Variants in CAMKMT observed in about 807,000 individuals in gnomAD.
CAMKMT encodes the protein CaM KMT.
Under a neutral mutation model 48.0 loss-of-function variants are expected in CAMKMT, and 53 were observed. The observed-to-expected ratio is 1.10, with a 90% confidence interval of 0.89 to 1.39. The LOEUF (loss-of-function observed/expected upper bound fraction) is 1.39. Among genes scored for constraint, CAMKMT ranks in the 40% most tolerant of loss-of-function variants. The pLI is 0.00. For missense variants in CAMKMT, 428 were observed against 402.7 expected (o/e 1.06, Z -0.54); for synonymous variants, 165 against 152.3 (o/e 1.08, Z -0.61).
At chr2:44,458,947 A>C (rs1162883332) in intron 3 of CAMKMT, among the ~76,000 whole-genome samples, 1 of 152,200 alleles carries the variant, frequency 6.6e-6, no homozygotes. Flanking sequence ...CTCAAGTATA[A>C]AAATAAGACA....
At chr2:44,509,950 T>C (rs698835) in intron 3 of CAMKMT, among the ~76,000 whole-genome samples, 97,195 of 151,660 alleles carry the variant, frequency 0.64, 31,608 homozygotes, top group Admixed American at 0.7. Flanking sequence ...CCTTTTTTCT[T>C]TGTAAATTAC....
intron 3 of CAMKMT, among the ~76,000 whole-genome samples, chr2:44,507,588 C>A (rs1423149810): frequency 6.6e-6 from 1 of 151,922 alleles, no homozygotes; most frequent in Non-Finnish European, 1.5e-5. Context: ...TTTTAGAAGT[C>A]CTGTTGTGAT....
intron 3 of CAMKMT, among the ~76,000 whole-genome samples, chr2:44,444,462 A>T (rs1333741143): frequency 2.6e-5 from 4 of 152,228 alleles, no homozygotes; most frequent in Non-Finnish European, 4.4e-5. Flanking sequence ...AGTCAAGGCC[A>T]TGGTTAGGTT....
intron 8 of CAMKMT, among the ~76,000 whole-genome samples, chr2:44,745,698 T>C (rs1051966545): frequency 6.6e-6 from 1 of 152,172 alleles, no homozygotes; most frequent in Non-Finnish European, 1.5e-5. Flanking sequence ...GTTTATACTT[T>C]CCCATTTGTA....
At position 44,750,938 on chromosome 2, in the gene CAMKMT, A is replaced by G. The variant is rs772884154; in HGVS notation, c.699-3117A>G. ...TGAGGCAGGAGAATCGCTTGAACCC[A>G]GGAGGTGGAGGTTGCAGTGAGTCAA... On this transcript the variant is annotated intron_variant, in intron 8 of 10. Coordinates refer to ENST00000378494, the MANE Select transcript of CAMKMT (RefSeq NM_024766.5). Among the ~76,000 whole-genome samples the G allele has an allele frequency of 7.2e-5, 11 of 152,084 alleles. 1 individual carries two copies. Among genetic ancestry groups the G allele is most frequent in the Non-Finnish European group, 1.5e-4 (10 of 67,976 alleles).
chr2:44,483,512 C>A (rs1669074958), intron 3 of CAMKMT, among the ~76,000 whole-genome samples: 1 of 152,024 alleles, frequency 6.6e-6, no homozygotes, highest in African/African-American at 2.4e-5. Flanking sequence ...GTCATAAATT[C>A]TTGATGGCAT....
intron 3 of CAMKMT, among the ~76,000 whole-genome samples, chr2:44,690,709 C>T (rs1328293990): frequency 1.3e-5 from 2 of 151,988 alleles, no homozygotes; most frequent in African/African-American, 4.8e-5. Flanking sequence ...GGTGTGGTGG[C>T]TCACGCCTGT....
chr2:44,603,727 C>G (rs924295140), intron 3 of CAMKMT, among the ~76,000 whole-genome samples: 3 of 152,166 alleles, frequency 2.0e-5, no homozygotes, highest in Non-Finnish European at 4.4e-5. Context: ...AAATTGCCCT[C>G]TTTAATTATT....
At chr2:44,601,276 G>A (rs1255868403) in intron 3 of CAMKMT, among the ~76,000 whole-genome samples, 1 of 152,004 alleles carries the variant, frequency 6.6e-6, no homozygotes, top group Admixed American at 6.6e-5. Context: ...GACCAACATG[G>A]AGAAACCCCA....
At chr2:44,760,668 A>T (rs1023183853) in intron 9 of CAMKMT, among the ~76,000 whole-genome samples, 2 of 151,768 alleles carry the variant, frequency 1.3e-5, no homozygotes, top group Non-Finnish European at 2.9e-5. Flanking sequence ...TGAAGAGACC[A>T]GGCTCTACTG....
intron 3 of CAMKMT, among the ~76,000 whole-genome samples, chr2:44,430,739 AT>A: frequency 6.6e-6 from 1 of 152,044 alleles, no homozygotes; most frequent in Non-Finnish European, 1.5e-5. Context: ...TTGTTGGGAG[AT>A]TATTTCTTTC....
At chr2:44,763,835 C>T (rs887934309) in intron 9 of CAMKMT, among the ~76,000 whole-genome samples, 1 of 152,186 alleles carries the variant, frequency 6.6e-6, no homozygotes, top group Admixed American at 6.5e-5. Context: ...ATCAGCCCAA[C>T]CTAGAAACCT....
intron 3 of CAMKMT, among the ~76,000 whole-genome samples, chr2:44,617,310 T>C (rs1671945595): frequency 6.6e-6 from 1 of 152,198 alleles, no homozygotes; most frequent in Non-Finnish European, 1.5e-5. Context: ...TTATGTAGTG[T>C]CTTTTGTAAT....
chr2:44,645,276 T>C (rs1212584650), intron 3 of CAMKMT, among the ~76,000 whole-genome samples: 1 of 152,188 alleles, frequency 6.6e-6, no homozygotes, highest in East Asian at 1.9e-4. Context: ...TCACATAACA[T>C]GGAGAGTTTT....
At chr2:44,641,653 C>T (rs1038909101) in intron 3 of CAMKMT, among the ~76,000 whole-genome samples, 2 of 152,054 alleles carry the variant, frequency 1.3e-5, no homozygotes, top group African/African-American at 4.8e-5. Context: ...CATCTCTTGG[C>T]CTCAAGCAAT....
At chr2:44,381,262 C>G (rs1680215028) in intron 2 of CAMKMT, among the ~76,000 whole-genome samples, 1 of 152,024 alleles carries the variant, frequency 6.6e-6, no homozygotes, top group Admixed American at 6.6e-5. Flanking sequence ...AAAACATGTA[C>G]TTAACTTCTA....
intron 3 of CAMKMT, among the ~76,000 whole-genome samples, chr2:44,530,915 C>G (rs1666449803): frequency 6.6e-6 from 1 of 151,766 alleles, no homozygotes; most frequent in South Asian, 2.1e-4. Flanking sequence ...TTAATAATTT[C>G]ATAGTGTGGT....
At chr2:44,540,380 C>T (rs978320908) in intron 3 of CAMKMT, among the ~76,000 whole-genome samples, 11 of 152,158 alleles carry the variant, frequency 7.2e-5, no homozygotes, top group East Asian at 1.9e-4. Context: ...TCATCTTGTA[C>T]TTTCTCTGAC....
At chr2:44,440,482 G>C (rs150020797) in intron 3 of CAMKMT, among the ~76,000 whole-genome samples, 1 of 148,608 alleles carries the variant, frequency 6.7e-6, no homozygotes, top group East Asian at 1.9e-4. Flanking sequence ...ACCTATAAAA[G>C]ATACACAAAC....
Sources: allele counts gnomAD v4.1 joint callset (sites outside exome capture counted in the v4.1 genomes callset), GRCh38; gene constraint gnomAD v4.1.1; transcripts MANE v1.5; gene names NCBI Gene and HGNC (gene_info 2026-07-23, HGNC 2026-07-21).